EXT1: variants seen among roughly 807,000 people sequenced by gnomAD.
The protein encoded by EXT1 is exostosin-1.
A neutral mutation model predicts 82.5 loss-of-function variants in EXT1; 20 were observed. That is an observed-to-expected ratio of 0.24 (90% CI 0.17 to 0.35). The LOEUF is 0.35. Ranked by LOEUF, EXT1 falls within the 10% of genes least tolerant of loss-of-function variation. EXT1 has a pLI of 1.00. For missense variants in EXT1, 757 were observed against 936.5 expected (o/e 0.81, Z 2.50); for synonymous variants, 348 against 350.8 (o/e 0.99, Z 0.09).
chr8:118,060,485 A>G (rs1816865017), intron 1 of EXT1, among the ~76,000 whole-genome samples: 1 of 152,108 alleles, frequency 6.6e-6, no homozygotes, highest in South Asian at 2.1e-4. Flanking sequence ...CACTCATAAC[A>G]TCTACCTGGG....
intron 1 of EXT1, among the ~76,000 whole-genome samples, chr8:117,973,785 G>GAAAGA (rs1196550658): frequency 7.4e-6 from 1 of 134,270 alleles, no homozygotes; most frequent in African/African-American, 2.8e-5. Context: ...AAGAAGAGAT[G>GAAAGA]AAAGAAAAGA....
intron 1 of EXT1, among the ~76,000 whole-genome samples, chr8:117,999,937 T>A (rs1167551539): frequency 6.7e-6 from 1 of 148,690 alleles, no homozygotes; most frequent in Non-Finnish European, 1.5e-5. Flanking sequence ...TCTGAGTGTA[T>A]ATATATATAT....
chr8:118,003,347 C>T, intron 1 of EXT1, among the ~76,000 whole-genome samples: 1 of 151,232 alleles, frequency 6.6e-6, no homozygotes, highest in African/African-American at 2.5e-5. Context: ...AAATCACCAC[C>T]AAAGAACTTA....
intron 1 of EXT1, 47 bp from the exon 2 acceptor site, chr8:117,837,248 T>C (rs542355923): frequency 1.3e-6 from 2 of 1,490,088 alleles, no homozygotes; most frequent in South Asian, 1.1e-5. Context: ...TCATTGCGAA[T>C]GTGGGGATAT....
chr8:117,949,329 C>T (rs1314812500), intron 1 of EXT1, among the ~76,000 whole-genome samples: 1 of 151,974 alleles, frequency 6.6e-6, no homozygotes, highest in African/African-American at 2.4e-5. Context: ...AAAATCGATG[C>T]ATCCATCATA....
At chr8:117,815,525 C>T (rs1187465035) in intron 7 of EXT1, among the ~76,000 whole-genome samples, 1 of 152,174 alleles carries the variant, frequency 6.6e-6, no homozygotes, top group African/African-American at 2.4e-5. Context: ...AATGGATTAG[C>T]ATGAGAGAAA....
intron 1 of EXT1, among the ~76,000 whole-genome samples, chr8:117,863,815 TAGTTCTTTA>T (rs1188078509): frequency 6.6e-6 from 1 of 152,164 alleles, no homozygotes; most frequent in Non-Finnish European, 1.5e-5. Context: ...AGAACTAACG[TAGTTCTTTA>T]AGAAGCCCCG....
chr8:118,029,763 TTTAC>T (rs1280998092), intron 1 of EXT1, among the ~76,000 whole-genome samples: 1 of 152,192 alleles, frequency 6.6e-6, no homozygotes, highest in Non-Finnish European at 1.5e-5. Context: ...CTTTGCTCGT[TTTAC>T]TTACTACTGA....
At chr8:117,916,271 T>G (rs1456862654) in intron 1 of EXT1, among the ~76,000 whole-genome samples, 1 of 152,148 alleles carries the variant, frequency 6.6e-6, no homozygotes, top group Non-Finnish European at 1.5e-5. Context: ...ATGCTGCAAA[T>G]GTTTCCTCCT....
At chr8:118,044,907 C>G (rs957352872) in intron 1 of EXT1, among the ~76,000 whole-genome samples, 3 of 152,200 alleles carry the variant, frequency 2.0e-5, no homozygotes, top group Non-Finnish European at 4.4e-5. Flanking sequence ...CTCTTACAAG[C>G]GTTGACTAGC....
rs954720078 is a variant in EXT1, at chr8:117,914,526, C to T, written c.963-77325G>A. Among the ~76,000 whole-genome samples, 6 of 152,208 alleles carry T rather than the reference C, an allele frequency of 3.9e-5. No individual in the cohort carries two copies. In the East Asian group the frequency reaches 5.8e-4, roughly 15 times the overall value. On this transcript the variant is annotated intron_variant, in intron 1 of 10. Coordinates refer to ENST00000378204, the MANE Select transcript of EXT1 (RefSeq NM_000127.3). ...TCTTTGCAGAGAGCCTATAAATGGA[C>T]GTGCGAGTAGGAAAGATATCACTGA... is the stretch of plus-strand genomic sequence containing the variant.
intron 2 of EXT1, 119 bp downstream of exon 2, chr8:117,836,989 G>T: frequency 1.3e-6 from 1 of 741,778 alleles, no homozygotes. Context: ...AATATTTTCA[G>T]ATCCTCAAGG....
intron 1 of EXT1, among the ~76,000 whole-genome samples, chr8:118,016,117 C>T (rs1457462710): frequency 6.6e-6 from 1 of 152,188 alleles, no homozygotes; most frequent in African/African-American, 2.4e-5. Flanking sequence ...CCAGGCGGGG[C>T]GTGGTGGCTC....
chr8:117,897,663 C>T (rs1300257872), intron 1 of EXT1, among the ~76,000 whole-genome samples: 3 of 143,170 alleles, frequency 2.1e-5, no homozygotes, highest in Non-Finnish European at 3.0e-5. Context: ...GGCCCGATCT[C>T]GGTTCACTTC....
chr8:117,875,409 A>C (rs907399794), intron 1 of EXT1, among the ~76,000 whole-genome samples: 1 of 149,058 alleles, frequency 6.7e-6, no homozygotes, highest in African/African-American at 2.5e-5. Context: ...TGATAGAGTG[A>C]AACTACCTCT....
chr8:117,980,011 T>C (rs565513721), intron 1 of EXT1, among the ~76,000 whole-genome samples: 3 of 152,158 alleles, frequency 2.0e-5, no homozygotes, highest in Non-Finnish European at 4.4e-5. Flanking sequence ...AAAGCTATAA[T>C]GAAGAGATCT....
chr8:117,890,579 T>C (rs1363274559), intron 1 of EXT1, among the ~76,000 whole-genome samples: 1 of 152,102 alleles, frequency 6.6e-6, no homozygotes, highest in Admixed American at 6.5e-5. Context: ...ACCTTGAGAG[T>C]TCAATAAAGA....
intron 1 of EXT1, among the ~76,000 whole-genome samples, chr8:118,104,067 C>T (rs1165020181): frequency 1.3e-5 from 2 of 152,188 alleles, no homozygotes; most frequent in Non-Finnish European, 2.9e-5. Flanking sequence ...CAGGTAGGAA[C>T]CCTGCCATTT....
rs964448546 is a variant in EXT1 at position 118,110,870 on chromosome 8, C to A, written c.177G>T (p.Pro59=). 6.2e-7 allele frequency: 1 copy of A among 1,613,012 alleles called. No homozygotes were observed. Among genetic ancestry groups the A allele is most frequent in the Non-Finnish European group, 8.5e-7 (1 of 1,179,148 alleles). Reference sequence around the variant, plus strand: ...AAGGAACGAAGGGGCGCAGAGCGTCCGGGAAGCGGGGCCAGAAATGATCCG... The same window carrying A: ...AAGGAACGAAGGGGCGCAGAGCGTCAGGGAAGCGGGGCCAGAAATGATCCG... ...PSPDHFWPRF[P]DALRPFVPWD... is the part of the protein sequence containing the mutation. Residue 59 remains proline (P), a synonymous_variant, in exon 1 of 11, where the codon CCG becomes CCT. Transcript: ENST00000378204.
Sources: allele counts gnomAD v4.1 joint callset (sites outside exome capture counted in the v4.1 genomes callset), GRCh38; gene constraint gnomAD v4.1.1; transcripts MANE v1.5; gene names NCBI Gene and HGNC (gene_info 2026-07-23, HGNC 2026-07-21).